Variants in SPTB observed in about 807,000 individuals in gnomAD.
SPTB encodes spectrin beta, erythrocytic, also known as spectrin beta chain, erythrocytic.
In SPTB, 45 loss-of-function variants were observed where a neutral mutation model predicts 256.2. That is an observed-to-expected ratio of 0.18 (90% CI 0.14 to 0.23). The LOEUF (loss-of-function observed/expected upper bound fraction) is 0.23, where lower values mean the gene tolerates loss of function less well. SPTB is among the 10% of genes least tolerant of loss of function. The pLI is 1.00. For missense variants in SPTB, 2,715 were observed against 3,040.4 expected (o/e 0.89, Z 2.52); for synonymous variants, 1,231 against 1,243.1 (o/e 0.99, Z 0.21).
At chr14:64,877,824 T>C (rs1882896823) in intron 1 of SPTB, among the ~76,000 whole-genome samples, 1 of 152,248 alleles carries the variant, frequency 6.6e-6, no homozygotes, top group South Asian at 2.1e-4. Flanking sequence ...TTGCCAAATG[T>C]GATCCCAGGT....
At chr14:64,860,809 G>A (rs1460737703) in intron 1 of SPTB, among the ~76,000 whole-genome samples, 1 of 152,162 alleles carries the variant, frequency 6.6e-6, no homozygotes, top group Non-Finnish European at 1.5e-5. Context: ...AGACAGTGTG[G>A]CGATTCCTAA....
At chr14:64,762,474 C>T (rs530536343) in intron 32 of SPTB, among the ~76,000 whole-genome samples, 2 of 152,224 alleles carry the variant, frequency 1.3e-5, no homozygotes, top group African/African-American at 4.8e-5. Context: ...CAGCTGGAGC[C>T]AGCCAGACAC....
intron 2 of SPTB, among the ~76,000 whole-genome samples, chr14:64,809,234 C>T (rs2083041967): frequency 7.2e-6 from 1 of 139,778 alleles, no homozygotes; most frequent in Non-Finnish European, 1.5e-5. Flanking sequence ...TGTACTCCAG[C>T]CTGGGCAACA....
rs976167557 is a variant in SPTB at position 64,791,734 on chromosome 14, T to C, written c.2789A>G (p.Asp930Gly). 1 of 1,613,998 alleles carries C rather than the reference T, an allele frequency of 6.2e-7. No homozygotes were observed. The highest frequency in any genetic ancestry group is 1.3e-5 in the African/African-American group (1 of 74,902). The change falls in exon 15 of 36, where the codon GAC (aspartate) becomes GGC (glycine). Residue 930 changes from aspartate (D) to glycine (G), a missense_variant. By Grantham distance (94) the Asp-to-Gly change is moderately conservative (BLOSUM62 -1). This residue lies in a region of SPTB where 2,239 missense variants were observed against 2,384.4 expected (regional missense o/e 0.94). Coordinates refer to ENST00000644917, the MANE Select transcript of SPTB (RefSeq NM_001355436.2). ...CACACCCCACCTGGTGTTCAGATGG[T>C]CCTGGTACTGCTTCACCTCCCTGCT... ...PRSREVKQYQDHLNTRWQAFQ... is the reference protein window; with the variant it reads ...PRSREVKQYQGHLNTRWQAFQ...
In SPTB at chr14:64,824,362, T is replaced by A. The variant is rs1364621598; in HGVS notation, c.-51-1217A>T. Among the ~76,000 whole-genome samples the A allele has an allele frequency of 2.0e-5, 3 of 151,904 alleles. No individual in the cohort carries two copies. The highest frequency in any genetic ancestry group is 4.4e-5 in the Non-Finnish European group (3 of 67,966). ...AAGAACACAGAAAGCTTTGAGAACTTTAAGAAGTAACGGGAAGGCAGGGGT... is the reference window on the plus strand; with the variant it reads ...AAGAACACAGAAAGCTTTGAGAACTATAAGAAGTAACGGGAAGGCAGGGGT... On this transcript the variant is annotated intron_variant, in intron 1 of 35. Coordinates refer to ENST00000644917, the MANE Select transcript of SPTB (RefSeq NM_001355436.2). The surrounding 1 kb of genome is among the most constrained non-coding windows in gnomAD (Gnocchi z 5.7).
rs180679685 is a variant in SPTB at position 64,806,690 on chromosome 14, G to A, written c.149-1600C>T. On this transcript the variant is annotated intron_variant, in intron 2 of 35. Transcript: ENST00000644917. This position sits in a 1 kb window ranked among gnomAD's most constrained non-coding sequence, Gnocchi z 4.1. ...TTGAGCAAATATTTACCGTACAACC[G>A]TCAGGTGCCAGGCCCTGGGTGGTGG... Among the ~76,000 whole-genome samples, 18 of 152,234 alleles carry A rather than the reference G, an allele frequency of 1.2e-4. No individual in the cohort carries two copies. The highest frequency in any genetic ancestry group is 3.1e-4 in the African/African-American group (13 of 41,532).
intron 2 of SPTB, among the ~76,000 whole-genome samples, chr14:64,812,008 TA>T (rs543708807): frequency 4.6e-5 from 7 of 151,882 alleles, no homozygotes; most frequent in Admixed American, 1.3e-4. Context: ...CATACACTGG[TA>T]AAAAAAAATC....
Position 64,826,109 on chromosome 14 carries a change from C to T in SPTB, c.-51-2964G>A, listed in dbSNP as rs1594818717. On this transcript the variant is annotated intron_variant, in intron 1 of 35. Coordinates refer to ENST00000644917, the MANE Select transcript of SPTB (RefSeq NM_001355436.2). The surrounding 1 kb of genome is among the most constrained non-coding windows in gnomAD (Gnocchi z 4.4). ...CCTGCCATGCCCACCCCAGGCCCTG[C>T]CCAGATGGCATTCCATCAGAGTCAA... Among the ~76,000 whole-genome samples, 1 of 152,224 alleles carries T rather than the reference C, an allele frequency of 6.6e-6. No individual in the cohort carries two copies. The highest frequency in any genetic ancestry group is 6.5e-5 in the Admixed American group (1 of 15,280).
rs758135516 is a variant in SPTB at position 64,749,994 on chromosome 14, C to T, written c.6763G>A (p.Val2255Ile). Residue 2255 changes from valine (V) to isoleucine (I), a missense_variant, in exon 34 of 36, where the codon GTC becomes ATC. By Grantham distance (29) the Val-to-Ile change is conservative. Around this residue, in one of 4 missense-constraint regions of SPTB, gnomAD observed 2,239 missense variants for 2,384.4 expected, o/e 0.94. Transcript: ENST00000644917. The surrounding 1 kb of genome is among the most constrained non-coding windows in gnomAD (Gnocchi z 4.7). ...IAANYKKKKH[V>I]FKLRLSNGSE... ...GGAAGGCCTCACCTCAGCTTAAAGA[C>T]GTGCTTCTTCTTCTTGTAGTTGGCA... 11 of 1,614,116 alleles carry T rather than the reference C, an allele frequency of 6.8e-6. No homozygotes were observed. The highest frequency in any genetic ancestry group is 1.7e-5 in the Admixed American group (1 of 60,008).
chr14:64,866,886 C>A lies in SPTB; in HGVS notation c.-52+12906G>T, dbSNP rs147920390. Reference sequence around the variant, plus strand: ...TTTTCAGTCTTTTTTTTCTGAAGTGCTTTTCTTAACTCTTTATTGTTATGA... The same window carrying A: ...TTTTCAGTCTTTTTTTTCTGAAGTGATTTTCTTAACTCTTTATTGTTATGA... On this transcript the variant is annotated intron_variant, in intron 1 of 35. Coordinates refer to ENST00000644917, the MANE Select transcript of SPTB (RefSeq NM_001355436.2). The surrounding 1 kb of genome is among the most constrained non-coding windows in gnomAD (Gnocchi z 4.6). 6.6e-6 allele frequency among the ~76,000 whole-genome samples: 1 copy of A among 152,104 alleles called. No individual in the cohort carries two copies. Among genetic ancestry groups the A allele is most frequent in the African/African-American group, 2.4e-5 (1 of 41,486 alleles).
intron 1 of SPTB, among the ~76,000 whole-genome samples, chr14:64,829,946 A>G (rs1273204): frequency 0.35 from 52,845 of 151,794 alleles, 11,588 homozygotes; most frequent in African/African-American, 0.62. Context: ...TGTGCATGCC[A>G]TGCCCTCTGC....
chr14:64,798,611 G>T (rs1190919738), intron 9 of SPTB, among the ~76,000 whole-genome samples: 2 of 152,202 alleles, frequency 1.3e-5, no homozygotes, highest in African/African-American at 4.8e-5. Context: ...GTGCTCACAG[G>T]CACTTAAGAG....
Position 64,807,329 on chromosome 14 carries a change from G to A in SPTB, c.149-2239C>T, listed in dbSNP as rs573780880. ...TTTATCTGTGCTTGGCAAAGGGTAAGGGAGTGATTCTAGCTGGGAACATGG... is the reference window on the plus strand; with the variant it reads ...TTTATCTGTGCTTGGCAAAGGGTAAAGGAGTGATTCTAGCTGGGAACATGG... On this transcript the variant is annotated intron_variant, in intron 2 of 35. Coordinates refer to ENST00000644917, the MANE Select transcript of SPTB (RefSeq NM_001355436.2). The surrounding 1 kb of genome is among the most constrained non-coding windows in gnomAD (Gnocchi z 4.7). 6.6e-6 allele frequency among the ~76,000 whole-genome samples: 1 copy of A among 152,344 alleles called. No individual in the cohort carries two copies. The highest frequency in any genetic ancestry group is 6.5e-5 in the Admixed American group (1 of 15,310).
intron 1 of SPTB, among the ~76,000 whole-genome samples, chr14:64,879,510 A>G (rs1457038222): frequency 6.6e-6 from 1 of 151,900 alleles, no homozygotes; most frequent in African/African-American, 2.4e-5. Flanking sequence ...GGGGTGACGG[A>G]CTCTCCGGGA....
chr14:64,784,475 G>T, intron 18 of SPTB, 82 bp from the exon 19 acceptor site: 1 of 1,565,296 alleles, frequency 6.4e-7, no homozygotes, highest in Non-Finnish European at 8.7e-7. Flanking sequence ...CCTGGCTGCA[G>T]AAGGAGAAGG....
In SPTB at chr14:64,786,663, T is replaced by C; in HGVS notation, c.3302A>G (p.Gln1101Arg). 1.9e-6 allele frequency: 3 copies of C among 1,614,114 alleles called. No homozygotes were observed. The highest frequency in any genetic ancestry group is 1.1e-5 in the South Asian group (1 of 91,072). Reference protein sequence around the residue: ...ESLPEAEQLLQQHAGIKDEID... With the variant: ...ESLPEAEQLLRQHAGIKDEID... The stretch of plus-strand genomic sequence containing the variant: ...CTCATCCTTGATACCTGCATGCTGC[T>C]GCAGGAGCTGCTCAGCCTCTGGGAG... Residue 1101 changes from glutamine to arginine, a missense_variant, in exon 16 of 36, where the codon CAG becomes CGG. Gln to Arg is a conservative substitution (Grantham distance 43). Coordinates refer to ENST00000644917, the MANE Select transcript of SPTB (RefSeq NM_001355436.2). The surrounding 1 kb of genome is among the most constrained non-coding windows in gnomAD (Gnocchi z 5.6).
At position 64,764,142 on chromosome 14, in the gene SPTB, G is replaced by A. The variant is rs990106049; in HGVS notation, c.6345+2584C>T. On this transcript the variant is annotated intron_variant, in intron 32 of 35. Coordinates refer to ENST00000644917, the MANE Select transcript of SPTB (RefSeq NM_001355436.2). The surrounding 1 kb of genome is among the most constrained non-coding windows in gnomAD (Gnocchi z 4.2). ...CCCCCAGGACTATCCCCAAGGGGAG[G>A]CGCAGCCATTGGCCATCCCTTCCTG... Among the ~76,000 whole-genome samples the A allele has an allele frequency of 6.6e-6, 1 of 152,226 alleles. No homozygotes were observed. The highest frequency in any genetic ancestry group is 6.5e-5 in the Admixed American group (1 of 15,290).
intron 1 of SPTB, among the ~76,000 whole-genome samples, chr14:64,832,544 T>C (rs761594256): frequency 2.6e-5 from 4 of 152,202 alleles, no homozygotes; most frequent in African/African-American, 4.8e-5. Flanking sequence ...TGACTTGAAT[T>C]ACCATCTTAT....
rs2139409772 is a variant in SPTB at position 64,748,025 on chromosome 14, C to T, written c.*1281G>A. ...GGGCTGGAGGGTGGTAGATATTTGACCTCTGTACTCATGTGACCCCCTCCC... is the reference window on the plus strand; with the variant it reads ...GGGCTGGAGGGTGGTAGATATTTGATCTCTGTACTCATGTGACCCCCTCCC... On this transcript the variant is annotated 3_prime_UTR_variant, in exon 36 of 36. Coordinates refer to ENST00000644917, the MANE Select transcript of SPTB (RefSeq NM_001355436.2). 1 of 152,216 alleles carries T rather than the reference C, an allele frequency of 6.6e-6. No homozygotes were observed. The highest frequency in any genetic ancestry group is 1.9e-4 in the East Asian group (1 of 5,174). The allele number at this position is 152,216 out of a possible 1,614,324, so 9.4% of individuals were successfully genotyped here.
Sources: gnomAD v4.1 joint callset for allele counts (sites outside exome capture counted in the v4.1 genomes callset) on GRCh38, gnomAD v4.1.1 for gene constraint, gnomAD v4.1.1 regional missense constraint, Gnocchi (gnomAD v3.1) non-coding constraint, MANE v1.5 for transcripts, NCBI Gene and HGNC (gene_info 2026-07-23, HGNC 2026-07-21) for gene names.